Variants in CSMD3 observed in about 807,000 individuals in gnomAD.
The protein encoded by CSMD3 is CUB and Sushi multiple domains 3.
Under a neutral mutation model 435.2 loss-of-function variants are expected in CSMD3, and 177 were observed. The observed-to-expected ratio is 0.41, with a 90% CI of 0.36 to 0.46. The LOEUF is 0.46. Ranked by LOEUF, CSMD3 falls within the 20% of genes least tolerant of loss-of-function variation. The pLI is 0.34. For synonymous variants in CSMD3, 1,656 were observed against 1,520.5 expected, an observed-to-expected ratio of 1.09 and a Z score of -2.07; for missense variants, 4,265 against 4,504.6, an observed-to-expected ratio of 0.95 and a Z score of 1.52.
chr8:112,835,058 A>T (rs2132504232), intron 11 of CSMD3, among the ~76,000 whole-genome samples: 1 of 151,898 alleles, frequency 6.6e-6, no homozygotes, highest in South Asian at 2.1e-4. Flanking sequence ...AGTGTTGCTT[A>T]TTGAGGTTTG....
rs2130064028 is a variant in CSMD3 at position 112,241,734 on chromosome 8, C to T, written c.10454G>A (p.Ser3485Asn). ...KDPRPALGTP[S>N]PKLSVPDDVF... ...ACATTACTAACCACTTAGCTTTGGG[C>T]TGGGTGTTCCCAGTGCAGGTCTAGG... The change falls in exon 66 of 71, where the codon AGC becomes AAC. Residue 3485 changes from serine (S) to asparagine (N), a missense_variant. This residue lies in a region of CSMD3 where 3,255 missense variants were observed against 3,380.2 expected (regional missense o/e 0.96). Coordinates refer to ENST00000297405, the MANE Select transcript of CSMD3 (RefSeq NM_198123.2). The T allele has an allele frequency of 1.9e-6, 3 of 1,611,878 alleles. No individual in the cohort carries two copies. Among genetic ancestry groups the T allele is most frequent in the Non-Finnish European group, 2.5e-6 (3 of 1,178,126 alleles).
chr8:112,382,807 T>C (rs1236220089), intron 37 of CSMD3, among the ~76,000 whole-genome samples: 2 of 152,090 alleles, frequency 1.3e-5, no homozygotes, highest in Admixed American at 6.5e-5. Context: ...CTCGCCAACA[T>C]AGCGAAACCC....
At chr8:112,536,865 T>C (rs1367944681) in intron 27 of CSMD3, among the ~76,000 whole-genome samples, 2 of 151,976 alleles carry the variant, frequency 1.3e-5, no homozygotes, top group Non-Finnish European at 2.9e-5. Flanking sequence ...TCATGTCCTT[T>C]GTAGGGACAT....
chr8:112,354,790 T>A (rs1196751381), intron 38 of CSMD3, among the ~76,000 whole-genome samples: 4 of 152,162 alleles, frequency 2.6e-5, no homozygotes, highest in Admixed American at 6.5e-5. Flanking sequence ...AATCTACAGA[T>A]TCAATGCTAT....
intron 26 of CSMD3, 35 bp downstream of exon 26, chr8:112,552,559 T>G: frequency 6.2e-7 from 1 of 1,601,478 alleles, no homozygotes; most frequent in Middle Eastern, 1.7e-4. Context: ...CACTTCAGAT[T>G]CCCTAGTAAT....
chr8:112,749,121 C>T (rs1352350842), intron 13 of CSMD3, among the ~76,000 whole-genome samples: 1 of 151,912 alleles, frequency 6.6e-6, no homozygotes, highest in Non-Finnish European at 1.5e-5. Flanking sequence ...ATATGTGTAT[C>T]GGCCGTATGT....
intron 3 of CSMD3, among the ~76,000 whole-genome samples, chr8:113,224,411 T>C (rs2093003393): frequency 1.3e-5 from 2 of 151,296 alleles, no homozygotes; most frequent in African/African-American, 4.8e-5. Context: ...TGGAATTATA[T>C]AATGAATTAC....
intron 15 of CSMD3, among the ~76,000 whole-genome samples, chr8:112,684,720 A>G (rs1024065248): frequency 2.0e-5 from 3 of 152,244 alleles, no homozygotes. Context: ...CAACAACATA[A>G]GATGTCAAGA....
intron 1 of CSMD3, among the ~76,000 whole-genome samples, chr8:113,333,932 C>A (rs1308729609): frequency 6.6e-6 from 1 of 151,836 alleles, no homozygotes; most frequent in Middle Eastern, 3.2e-3. Context: ...TATAGATCCC[C>A]ATCTTGAACT....
At chr8:113,018,205 T>C (rs755214115) in intron 6 of CSMD3, among the ~76,000 whole-genome samples, 1 of 152,076 alleles carries the variant, frequency 6.6e-6, no homozygotes, top group Non-Finnish European at 1.5e-5. Context: ...GAGAGGTTAC[T>C]GGTTTTCAAA....
chr8:113,087,473 G>A (rs1186916573), intron 5 of CSMD3, among the ~76,000 whole-genome samples: 4 of 152,224 alleles, frequency 2.6e-5, no homozygotes, highest in African/African-American at 9.6e-5. Flanking sequence ...CAAGGCTACA[G>A]TAACCAAAAC....
intron 21 of CSMD3, among the ~76,000 whole-genome samples, chr8:112,637,230 A>G (rs1157532519): frequency 6.6e-6 from 1 of 152,184 alleles, no homozygotes; most frequent in East Asian, 1.9e-4. Context: ...TTCAATATAG[A>G]TGAGAAAATA....
intron 13 of CSMD3, among the ~76,000 whole-genome samples, chr8:112,789,466 A>G (rs769256869): frequency 6.6e-6 from 1 of 152,100 alleles, no homozygotes; most frequent in Non-Finnish European, 1.5e-5. Flanking sequence ...GAGAAAAACA[A>G]TTATTTAAAT....
chr8:113,396,902 TA>T (rs1296305706), intron 1 of CSMD3, among the ~76,000 whole-genome samples: 1 of 152,188 alleles, frequency 6.6e-6, no homozygotes, highest in Non-Finnish European at 1.5e-5. Flanking sequence ...ACAAGCTATA[TA>T]ACAGGGATTT....
intron 4 of CSMD3, among the ~76,000 whole-genome samples, chr8:113,137,738 G>A (rs1285132671): frequency 6.6e-6 from 1 of 151,462 alleles, no homozygotes; most frequent in Non-Finnish European, 1.5e-5. Context: ...CATAGGAGCA[G>A]AACCATCATG....
At chr8:113,387,109 G>A (rs1385479201) in intron 1 of CSMD3, among the ~76,000 whole-genome samples, 1 of 151,736 alleles carries the variant, frequency 6.6e-6, no homozygotes, top group African/African-American at 2.4e-5. Flanking sequence ...CAAATGAAAT[G>A]ATGGTTTAGA....
intron 3 of CSMD3, among the ~76,000 whole-genome samples, chr8:113,232,704 A>C (rs1358392863): frequency 6.6e-6 from 1 of 151,802 alleles, no homozygotes; most frequent in Non-Finnish European, 1.5e-5. Context: ...CTTTTAAGGT[A>C]ATCAAATACC....
chr8:113,052,372 G>C (rs2088134740), intron 5 of CSMD3, among the ~76,000 whole-genome samples: 1 of 152,130 alleles, frequency 6.6e-6, no homozygotes, highest in South Asian at 2.1e-4. Context: ...GGGGAATTAG[G>C]TATCTGTAAG....
intron 1 of CSMD3, among the ~76,000 whole-genome samples, chr8:113,356,989 C>A (rs2094234206): frequency 6.6e-6 from 1 of 151,772 alleles, no homozygotes; most frequent in Admixed American, 6.6e-5. Flanking sequence ...ATAAAATAGG[C>A]AAATATGAAT....
Sources: allele counts gnomAD v4.1 joint callset (sites outside exome capture counted in the v4.1 genomes callset), GRCh38; gene constraint gnomAD v4.1.1; regional missense constraint gnomAD v4.1.1; transcripts MANE v1.5; gene names NCBI Gene and HGNC (gene_info 2026-07-23, HGNC 2026-07-21).